ADGRB3: variants seen among roughly 807,000 people sequenced by gnomAD.
ADGRB3 encodes the protein adhesion G protein-coupled receptor B3.
A neutral mutation model predicts 193.4 loss-of-function variants in ADGRB3; 37 were observed. The ratio of observed to expected loss-of-function variants is 0.19; its 90% CI spans 0.15 to 0.25. ADGRB3 has a LOEUF of 0.25. Among genes scored for constraint, ADGRB3 ranks in the 10% least tolerant of loss-of-function variants. ADGRB3 has a pLI of 1.00. For missense variants in ADGRB3, 1,637 were observed against 1,852.9 expected, an observed-to-expected ratio of 0.88 and a Z score of 2.14; for synonymous variants, 690 against 644.2, an observed-to-expected ratio of 1.07 and a Z score of -1.08.
In ADGRB3 at chr6:69,075,874, A is replaced by G. The variant is rs570418571; in HGVS notation, c.2437-121A>G. On this transcript the variant is annotated intron_variant, in intron 16 of 31. Transcript: ENST00000370598. ...TCTTATAAATAATTAAAAAGAAATC[A>G]TTAAAGTATTTCTTACCACAAGATA... 1,029 of 724,988 alleles carry G rather than the reference A, an allele frequency of 1.4e-3. 2 individuals are homozygous for G. Among genetic ancestry groups the G allele is most frequent in the Non-Finnish European group, 1.7e-3 (758 of 440,580 alleles). The allele number at this position is 724,988 out of a possible 1,614,324, so 44.9% of individuals were successfully genotyped here. A position where few individuals can be genotyped will look rare whatever the true frequency, so the allele number is the denominator to read the frequency against.
At chr6:69,205,634 G>A (rs530680675) in intron 17 of ADGRB3, among the ~76,000 whole-genome samples, 1 of 152,166 alleles carries the variant, frequency 6.6e-6, no homozygotes, top group East Asian at 1.9e-4. Flanking sequence ...AATGTGGGAG[G>A]CAGAAGCTAT....
At chr6:68,863,657 T>C (rs1765216809) in intron 3 of ADGRB3, among the ~76,000 whole-genome samples, 1 of 152,088 alleles carries the variant, frequency 6.6e-6, no homozygotes, top group Non-Finnish European at 1.5e-5. Flanking sequence ...AAAATATACA[T>C]ATGAACACAC....
At chr6:68,707,129 A>G (rs994862844) in intron 3 of ADGRB3, among the ~76,000 whole-genome samples, 7 of 151,644 alleles carry the variant, frequency 4.6e-5, no homozygotes, top group Non-Finnish European at 8.8e-5. Context: ...AAAAAAAAAA[A>G]AGATTGTTTT....
intron 15 of ADGRB3, among the ~76,000 whole-genome samples, chr6:69,059,432 C>T (rs1771651403): frequency 1.3e-5 from 2 of 151,920 alleles, no homozygotes; most frequent in Non-Finnish European, 1.5e-5. Context: ...GGTTCATGTG[C>T]CTTTAACTTC....
chr6:68,787,085 C>T (rs900661018), intron 3 of ADGRB3, among the ~76,000 whole-genome samples: 1 of 152,172 alleles, frequency 6.6e-6, no homozygotes, highest in Non-Finnish European at 1.5e-5. Context: ...GATATACAAT[C>T]ATGTAATCTG....
intron 3 of ADGRB3, among the ~76,000 whole-genome samples, chr6:68,812,831 CA>C (rs746256543): frequency 2.8e-4 from 43 of 151,832 alleles, no homozygotes; most frequent in Non-Finnish European, 2.2e-4. Flanking sequence ...CCTAGCCCCC[CA>C]ACCCCCCACA....
intron 3 of ADGRB3, among the ~76,000 whole-genome samples, chr6:68,788,198 T>C (rs1767017778): frequency 6.6e-6 from 1 of 152,236 alleles, no homozygotes; most frequent in Non-Finnish European, 1.5e-5. Context: ...TTCTGCTAGC[T>C]TTTGAATGTG....
At chr6:69,222,392 G>C (rs1765914178) in intron 17 of ADGRB3, among the ~76,000 whole-genome samples, 1 of 152,162 alleles carries the variant, frequency 6.6e-6, no homozygotes. Context: ...AAAGTGGATA[G>C]AGCATGCAAC....
intron 3 of ADGRB3, among the ~76,000 whole-genome samples, chr6:68,878,376 T>C (rs1278327602): frequency 6.6e-6 from 1 of 152,082 alleles, no homozygotes; most frequent in Non-Finnish European, 1.5e-5. Flanking sequence ...TATTAAATAG[T>C]TTTGCTAAGG....
chr6:69,322,472 G>T (rs1273358296), intron 20 of ADGRB3, among the ~76,000 whole-genome samples: 2 of 151,858 alleles, frequency 1.3e-5, no homozygotes, highest in Admixed American at 1.3e-4. Context: ...TCCACCAACA[G>T]TATATAAACC....
intron 17 of ADGRB3, among the ~76,000 whole-genome samples, chr6:69,100,948 AAGGAGGGAGGGAGGGAGAAAG>A (rs1773034803): frequency 4.1e-3 from 1 of 242 alleles, no homozygotes; most frequent in African/African-American, 0.016. Context: ...GAAGGAAGGA[AAGGAGGGAGGGAGGGAGAAAG>A]GGAAGGAAGG....
chr6:69,173,934 C>G (rs1049290964), intron 17 of ADGRB3, among the ~76,000 whole-genome samples: 3 of 152,148 alleles, frequency 2.0e-5, no homozygotes, highest in African/African-American at 7.2e-5. Context: ...ATTTGTTCAC[C>G]TCAAAATCTT....
intron 5 of ADGRB3, among the ~76,000 whole-genome samples, chr6:68,939,727 T>A (rs1767584925): frequency 6.6e-6 from 1 of 152,146 alleles, no homozygotes; most frequent in Admixed American, 6.5e-5. Context: ...CAATCTAACA[T>A]ATCCTGAAAA....
intron 17 of ADGRB3, chr6:69,232,698 G>A (rs978220332): frequency 7.5e-7 from 1 of 1,341,826 alleles, no homozygotes; most frequent in East Asian, 2.5e-5. Flanking sequence ...TGATGCCGCT[G>A]CTGCTGCTTC....
intron 12 of ADGRB3, among the ~76,000 whole-genome samples, 163 bp downstream of exon 12, chr6:69,014,269 G>A (rs1256732893): frequency 6.6e-6 from 1 of 151,986 alleles, no homozygotes; most frequent in East Asian, 1.9e-4. Context: ...TACCATACCA[G>A]TCTGGAAGGA....
chr6:69,190,094 G>GCTA (rs1266569286), intron 17 of ADGRB3, among the ~76,000 whole-genome samples: 4 of 152,036 alleles, frequency 2.6e-5, no homozygotes, highest in African/African-American at 9.7e-5. Flanking sequence ...AAATGGCTAT[G>GCTA]CTACTGGCTT....
chr6:69,261,676 A>C (rs1766932036), intron 20 of ADGRB3, among the ~76,000 whole-genome samples: 1 of 152,066 alleles, frequency 6.6e-6, no homozygotes, highest in Non-Finnish European at 1.5e-5. Flanking sequence ...TTTGTGCAAT[A>C]ATATGTAACA....
chr6:68,930,781 C>A, intron 4 of ADGRB3, 112 bp downstream of exon 4: 4 of 840,614 alleles, frequency 4.8e-6, no homozygotes, highest in South Asian at 4.3e-5. Flanking sequence ...GATATTTTTT[C>A]GAGCCATTTT....
chr6:68,715,135 T>C (rs974381178), intron 3 of ADGRB3, among the ~76,000 whole-genome samples: 1 of 151,748 alleles, frequency 6.6e-6, no homozygotes, highest in African/African-American at 2.4e-5. Context: ...AACTATAGTC[T>C]GATAAGAAAA....
Sources: allele counts gnomAD v4.1 joint callset (sites outside exome capture counted in the v4.1 genomes callset), GRCh38; gene constraint gnomAD v4.1.1; transcripts MANE v1.5; gene names NCBI Gene and HGNC (gene_info 2026-07-23, HGNC 2026-07-21).